The following SH3TC2 variants were observed in gnomAD, a reference collection of about 807,000 sequenced individuals.
SH3TC2 encodes the protein SH3 domain and tetratricopeptide repeats 2.
Under a neutral mutation model 124.5 loss-of-function variants are expected in SH3TC2, and 87 were observed. That is an observed-to-expected ratio of 0.70 (90% CI 0.59 to 0.84). The LOEUF is 0.84. SH3TC2 is among the 40% of genes least tolerant of loss of function. The pLI is 0.00. For synonymous variants in SH3TC2, 634 were observed against 628.5 expected, an observed-to-expected ratio of 1.01 and a Z score of -0.13; for missense variants, 1,536 against 1,566.4, an observed-to-expected ratio of 0.98 and a Z score of 0.33.
chr5:149,017,458 G>C (rs778559029), intron 12 of SH3TC2, among the ~76,000 whole-genome samples: 1 of 152,180 alleles, frequency 6.6e-6, no homozygotes. Flanking sequence ...GGACAGAAAA[G>C]TGTCCCAGAG....
chr5:149,017,122 C>G (rs1030420142), intron 12 of SH3TC2, among the ~76,000 whole-genome samples: 1 of 152,092 alleles, frequency 6.6e-6, no homozygotes, highest in African/African-American at 2.4e-5. Context: ...GCTATTTATA[C>G]GTTTATTTTC....
chr5:149,054,273 G>C (rs1754605653), intron 1 of SH3TC2, among the ~76,000 whole-genome samples: 2 of 152,150 alleles, frequency 1.3e-5, no homozygotes, highest in Admixed American at 6.5e-5. Flanking sequence ...TACAGCCATA[G>C]ATTTTTTTTA....
At chr5:149,031,937 A>G (rs564230781) in intron 8 of SH3TC2, among the ~76,000 whole-genome samples, 2 of 152,264 alleles carry the variant, frequency 1.3e-5, no homozygotes, top group South Asian at 4.2e-4. Flanking sequence ...GGGGATGAAA[A>G]CACCCCTTCT....
intron 1 of SH3TC2, among the ~76,000 whole-genome samples, chr5:149,058,226 C>T (rs1754685580): frequency 6.6e-6 from 1 of 152,010 alleles, no homozygotes; most frequent in African/African-American, 2.4e-5. Flanking sequence ...AGTTACTAAC[C>T]CTCAATTCAG....
Position 149,010,325 on chromosome 5 carries a change from C to T in SH3TC2, c.3272G>A (p.Gly1091Asp). ...LLALKLYEEAGDVFFNGTRHR... is the reference protein window; with the variant it reads ...LLALKLYEEADDVFFNGTRHR... ...GCGGGTCCCATTGAAGAACACATCA[C>T]CTGCTTCTTCATAAAGTTTGAGAGC... Residue 1091 changes from glycine to aspartate, a missense_variant, in exon 14 of 17, where the codon GGT becomes GAT. By Grantham distance (94) the Gly-to-Asp change is moderately conservative. Around this residue, in one of 3 missense-constraint regions of SH3TC2, gnomAD observed 426 missense variants for 443.5 expected, o/e 0.96. Transcript: ENST00000515425. The T allele has an allele frequency of 1.2e-6, 2 of 1,614,088 alleles. No homozygotes were observed. Among genetic ancestry groups the T allele is most frequent in the Non-Finnish European group, 1.7e-6 (2 of 1,179,998 alleles).
At chr5:149,055,631 A>G (rs1754633103) in intron 1 of SH3TC2, among the ~76,000 whole-genome samples, 1 of 152,198 alleles carries the variant, frequency 6.6e-6, no homozygotes, top group Admixed American at 6.5e-5. Context: ...GACAGTGTCA[A>G]TTCAAGCTGA....
In SH3TC2 at chr5:148,987,843, G is replaced by A. The variant is rs1227707611; in HGVS notation, c.*16868C>T. On this transcript the variant is annotated 3_prime_UTR_variant, in exon 17 of 17. Transcript: ENST00000515425. ...TGTGTGTGTGTGTGTGTGTGTGTGTGTGTGTGTGTGTGTTCTTTAGATCAT... is the reference window on the plus strand; with the variant it reads ...TGTGTGTGTGTGTGTGTGTGTGTGTATGTGTGTGTGTGTTCTTTAGATCAT... Among the ~76,000 whole-genome samples the A allele has an allele frequency of 1.3e-5, 2 of 151,188 alleles. No homozygotes were observed. The highest frequency in any genetic ancestry group is 1.9e-4 in the East Asian group (1 of 5,166).
intron 2 of SH3TC2, among the ~76,000 whole-genome samples, chr5:149,050,929 C>T (rs78461460): frequency 0.13 from 20,036 of 152,146 alleles, 1,612 homozygotes; most frequent in South Asian, 0.27. Context: ...TTAACTGTGT[C>T]GTGGTGAAGT....
At chr5:149,060,598 T>C (rs1754729884) in intron 1 of SH3TC2, among the ~76,000 whole-genome samples, 1 of 152,198 alleles carries the variant, frequency 6.6e-6, no homozygotes, top group Admixed American at 6.5e-5. Flanking sequence ...ACTGTTTTGG[T>C]GTCTGCTGTT....
At position 148,998,711 on chromosome 5, in the gene SH3TC2, C is replaced by G. The variant is rs532341050; in HGVS notation, c.*6000G>C. ...TGGCAGCTGGGGAGAATCCCCACCCCCTAAGCAGTCACTTGTCTCTGCTTC... is the reference window on the plus strand; with the variant it reads ...TGGCAGCTGGGGAGAATCCCCACCCGCTAAGCAGTCACTTGTCTCTGCTTC... On this transcript the variant is annotated 3_prime_UTR_variant, in exon 17 of 17. Coordinates refer to ENST00000515425, the MANE Select transcript of SH3TC2 (RefSeq NM_024577.4). Among the ~76,000 whole-genome samples the G allele has an allele frequency of 1.3e-5, 2 of 152,308 alleles. No homozygotes were observed. Among genetic ancestry groups the G allele is most frequent in the East Asian group, 3.9e-4 (2 of 5,172 alleles).
chr5:149,041,633 A>G lies in SH3TC2; in HGVS notation c.530-16T>C. The stretch of plus-strand genomic sequence containing the variant: ...AAGAAGTGGCCTGTGGATAATGAGA[A>G]AAGCAATGGCTTTCTAAGGAGTAGC... On this transcript the variant is annotated splice_polypyrimidine_tract_variant and intron_variant, in intron 5 of 16. Transcript: ENST00000515425. 6.2e-7 allele frequency: 1 copy of G among 1,613,876 alleles called. No homozygotes were observed. Among genetic ancestry groups the G allele is most frequent in the Non-Finnish European group, 8.5e-7 (1 of 1,179,804 alleles).
intron 12 of SH3TC2, among the ~76,000 whole-genome samples, chr5:149,016,876 G>C (rs1753883031): frequency 7.1e-6 from 1 of 140,906 alleles, no homozygotes; most frequent in African/African-American, 2.7e-5. Context: ...AGTGAGCCGA[G>C]ATCACGCCAC....
rs1753508583 is a variant in SH3TC2 at position 148,996,279 on chromosome 5, G to A, written c.*8432C>T. 6.6e-6 allele frequency among the ~76,000 whole-genome samples: 1 copy of A among 151,928 alleles called. No homozygotes were observed. The stretch of plus-strand genomic sequence containing the variant: ...TGCCTAAATAAGAGAGAAAGAGAGA[G>A]AGAGAGAGAAACAGACAGATGGACT... On this transcript the variant is annotated 3_prime_UTR_variant, in exon 17 of 17. Transcript: ENST00000515425.
intron 12 of SH3TC2, among the ~76,000 whole-genome samples, chr5:149,016,753 G>T (rs911593430): frequency 6.6e-6 from 1 of 151,868 alleles, no homozygotes; most frequent in East Asian, 1.9e-4. Context: ...GTGAAACCCC[G>T]TCTCTACTAA....
rs1329447326 is a variant in SH3TC2, at chr5:149,000,082, C to T, written c.*4629G>A. Among the ~76,000 whole-genome samples the T allele has an allele frequency of 6.6e-6, 1 of 152,306 alleles. No homozygotes were observed. The highest frequency in any genetic ancestry group is 2.1e-4 in the South Asian group (1 of 4,820). On this transcript the variant is annotated 3_prime_UTR_variant, in exon 17 of 17. Transcript: ENST00000515425. ...AGAAAGCCCTTCCTGATGCCCGTAA[C>T]CCTGTCTGGGTAAAATCCCTTCCCC...
intron 2 of SH3TC2, among the ~76,000 whole-genome samples, chr5:149,048,338 G>C (rs1754502776): frequency 6.6e-6 from 1 of 152,156 alleles, no homozygotes; most frequent in Non-Finnish European, 1.5e-5. Flanking sequence ...TGAATGACTT[G>C]TGAAAGTTTA....
chr5:149,054,784 A>T (rs1754614054), intron 1 of SH3TC2, among the ~76,000 whole-genome samples: 1 of 152,110 alleles, frequency 6.6e-6, no homozygotes, highest in Non-Finnish European at 1.5e-5. Context: ...ACCCTATTCC[A>T]TCACTCATTT....
At position 149,040,595 on chromosome 5, in the gene SH3TC2, C is replaced by T. The variant is rs143808719; in HGVS notation, c.805+9G>A. On this transcript the variant is annotated intron_variant, in intron 7 of 16. Transcript: ENST00000515425. Reference sequence around the variant, plus strand: ...CCCTAACAATACTATGTTTTTGACTCAGCCATACCAATCTGATAGGAGCCT... The same window carrying T: ...CCCTAACAATACTATGTTTTTGACTTAGCCATACCAATCTGATAGGAGCCT... The T allele has an allele frequency of 5.4e-5, 87 of 1,612,388 alleles. No homozygotes were observed. The highest frequency in any genetic ancestry group is 2.2e-4 in the Admixed American group (13 of 60,014).
rs1753628999 is a variant in SH3TC2 at position 149,003,428 on chromosome 5, G to C, written c.*1283C>G. On this transcript the variant is annotated 3_prime_UTR_variant, in exon 17 of 17. Transcript: ENST00000515425. The stretch of plus-strand genomic sequence containing the variant: ...TGGCAAGTGGCTGCAGGAAGCCTCT[G>C]GCCAACAGCTAGCAAAAAACTGACT... 1 of 157,022 alleles carries C rather than the reference G, an allele frequency of 6.4e-6. No individual in the cohort carries two copies. Among genetic ancestry groups the C allele is most frequent in the Admixed American group, 6.4e-5 (1 of 15,516 alleles). The allele number at this position is 157,022 out of a possible 1,614,324, so 9.7% of individuals were successfully genotyped here. A position where few individuals can be genotyped will look rare whatever the true frequency, so the allele number is the denominator to read the frequency against.
Sources: gnomAD v4.1 joint callset for allele counts (sites outside exome capture counted in the v4.1 genomes callset) on GRCh38, gnomAD v4.1.1 for gene constraint, gnomAD v4.1.1 regional missense constraint, MANE v1.5 for transcripts, NCBI Gene and HGNC (gene_info 2026-07-23, HGNC 2026-07-21) for gene names.